The following PDLIM3 variants were observed in gnomAD, a reference collection of about 807,000 sequenced individuals.
PDLIM3 encodes PDZ and LIM domain protein 3.
Under a neutral mutation model 37.3 loss-of-function variants are expected in PDLIM3, and 36 were observed. The observed-to-expected ratio is 0.97, with a 90% CI of 0.74 to 1.28. The LOEUF is 1.28. Among genes scored for constraint, PDLIM3 ranks in the 50% most tolerant of loss-of-function variants. The probability of loss-of-function intolerance (pLI) is 0.00; values close to 1 mark genes in which losing one functional copy is unlikely to be tolerated. For missense variants in PDLIM3, 454 were observed against 485.0 expected (o/e 0.94, Z 0.60); for synonymous variants, 174 against 182.4 (o/e 0.95, Z 0.37).
intron 6 of PDLIM3, 132 bp downstream of exon 6, chr4:185,506,390 C>G: frequency 8.1e-7 from 1 of 1,234,720 alleles, no homozygotes; most frequent in South Asian, 1.2e-5. Context: ...TCCTTCTGAG[C>G]AAAAATTCAT....
intron 1 of PDLIM3, among the ~76,000 whole-genome samples, chr4:185,529,517 T>C (rs993326927): frequency 6.6e-6 from 1 of 152,152 alleles, no homozygotes; most frequent in Non-Finnish European, 1.5e-5. Context: ...AGAAACCCCA[T>C]TGTTCATTCT....
At chr4:185,503,616 G>C (rs1367927622) in intron 7 of PDLIM3, among the ~76,000 whole-genome samples, 2 of 152,228 alleles carry the variant, frequency 1.3e-5, no homozygotes, top group African/African-American at 4.8e-5. Flanking sequence ...AATTATCTTG[G>C]TTGACTTGAT....
chr4:185,535,353 C>G lies in PDLIM3; in HGVS notation c.82G>C (p.Val28Leu). 6.2e-7 allele frequency: 1 copy of G among 1,608,410 alleles called. No homozygotes were observed. Residue 28 changes from valine (V) to leucine (L), a missense_variant, in exon 1 of 8, where the codon GTC (valine) becomes CTC (leucine). Physicochemically the swap from Val to Leu is conservative, Grantham distance 32 (BLOSUM62 1). Transcript: ENST00000284767. ...SGGIDFNQPL[V>L]ITRITPGSKA... The stretch of plus-strand genomic sequence containing the variant: ...ATGCCGACACCTACCCTGGTGATGA[C>G]CAAAGGCTGGTTGAAGTCTATGCCC...
chr4:185,529,943 A>G (rs529205466), intron 1 of PDLIM3, among the ~76,000 whole-genome samples: 80 of 152,166 alleles, frequency 5.3e-4, no homozygotes, highest in African/African-American at 1.9e-3. Context: ...CTTTCCTTCA[A>G]CACCTCCTAG....
At chr4:185,502,847 C>CG (rs915845368) in intron 7 of PDLIM3, among the ~76,000 whole-genome samples, 26 of 152,228 alleles carry the variant, frequency 1.7e-4, no homozygotes, top group African/African-American at 6.0e-4. Context: ...CTGCTTTTGA[C>CG]GGGGGTGGTT....
intron 4 of PDLIM3, among the ~76,000 whole-genome samples, chr4:185,509,446 A>G (rs765377545): frequency 1.2e-4 from 19 of 152,162 alleles, no homozygotes; most frequent in Non-Finnish European, 2.1e-4. Flanking sequence ...CATTTCAGGG[A>G]CTTATTAAAA....
Position 185,514,915 on chromosome 4 carries a change from C to T in PDLIM3, c.331-578G>A, listed in dbSNP as rs2095712600. On this transcript the variant is annotated intron_variant, in intron 3 of 7. Transcript: ENST00000284767. The surrounding 1 kb of genome is among the most constrained non-coding windows in gnomAD (Gnocchi z 4.0). Reference sequence around the variant, plus strand: ...CCTGTACAATGGCAGACAAAATACACAGCCACACAGCGCACAAGAAAGCCA... The same window carrying T: ...CCTGTACAATGGCAGACAAAATACATAGCCACACAGCGCACAAGAAAGCCA... 1 of 1,533,814 alleles carries T rather than the reference C, an allele frequency of 6.5e-7. No individual in the cohort carries two copies. Among genetic ancestry groups the T allele is most frequent in the Non-Finnish European group, 8.8e-7 (1 of 1,136,076 alleles).
At chr4:185,513,601 C>T (rs920581044) in intron 4 of PDLIM3, 1 of 986,052 alleles carries the variant, frequency 1.0e-6, no homozygotes, top group South Asian at 4.7e-5. Context: ...GCAACAGCTG[C>T]GGTAAATCAT....
chr4:185,518,900 T>A (rs1043484806), intron 3 of PDLIM3, among the ~76,000 whole-genome samples: 39 of 152,252 alleles, frequency 2.6e-4, no homozygotes, highest in Non-Finnish European at 5.0e-4. Flanking sequence ...GAGACAGCTT[T>A]CTTCTTATTT....
chr4:185,513,722 G>T (rs2095710305), intron 4 of PDLIM3: 1 of 1,013,560 alleles, frequency 9.9e-7, no homozygotes, highest in Non-Finnish European at 1.2e-6. Context: ...TGAAGTCACT[G>T]TTTCCTGATT....
intron 3 of PDLIM3, chr4:185,515,161 CCT>C (rs1476027623): frequency 4.2e-6 from 1 of 237,954 alleles, no homozygotes; most frequent in African/African-American, 2.3e-5. Context: ...CTTATCTGCC[CCT>C]GACTTCTTCA....
In PDLIM3 at chr4:185,508,477, C is replaced by T. The variant is rs749708919; in HGVS notation, c.484G>A (p.Gly162Ser). 1.2e-6 allele frequency: 2 copies of T among 1,614,144 alleles called. No homozygotes were observed. The highest frequency in any genetic ancestry group is 1.7e-6 in the Non-Finnish European group (2 of 1,180,024). Residue 162 changes from glycine to serine, a missense_variant, in exon 5 of 8, where the codon GGT becomes AGT. Transcript: ENST00000284767. Reference protein sequence around the residue: ...SVSTVSTICPGDLKVAAKLAP... With the variant: ...SVSTVSTICPSDLKVAAKLAP... ...AGCTTAGCCGCAACTTTCAAGTCAC[C>T]TGGGCAAATGGTACTAACAGTACTG...
intron 7 of PDLIM3, among the ~76,000 whole-genome samples, chr4:185,502,848 G>A (rs2095689365): frequency 6.6e-6 from 1 of 152,078 alleles, no homozygotes; most frequent in South Asian, 2.1e-4. Flanking sequence ...TGCTTTTGAC[G>A]GGGGTGGTTG....
At chr4:185,533,699 T>C (rs2095748590) in intron 1 of PDLIM3, among the ~76,000 whole-genome samples, 1 of 152,206 alleles carries the variant, frequency 6.6e-6, no homozygotes, top group Admixed American at 6.5e-5. Context: ...ATAGCTATTG[T>C]AGTCCAACTC....
intron 4 of PDLIM3, 112 bp from the exon 5 acceptor site, chr4:185,508,674 G>A: frequency 1.4e-5 from 15 of 1,041,518 alleles, no homozygotes; most frequent in Non-Finnish European, 2.2e-5. Flanking sequence ...AGACAAAAGT[G>A]AGAGGTGAAT....
Position 185,506,606 on chromosome 4 carries a change from G to T in PDLIM3, c.709C>A (p.Leu237Ile). The stretch of plus-strand genomic sequence containing the variant: ...GTGGGCTCATTCCGATTGTCGTGGA[G>T]CATCCGGTACACGTCCGACTCGGGG... ...VPPESDVYRM[L>I]HDNRNEPTQP... The change falls in exon 6 of 8, where the codon CTC becomes ATC. Residue 237 changes from leucine (L) to isoleucine (I), a missense_variant. Leu to Ile is a conservative substitution (Grantham distance 5, BLOSUM62 2). Coordinates refer to ENST00000284767, the MANE Select transcript of PDLIM3 (RefSeq NM_014476.6). 1 of 1,611,194 alleles carries T rather than the reference G, an allele frequency of 6.2e-7. No homozygotes were observed.
Position 185,514,206 on chromosome 4 carries a change from A to G in PDLIM3, c.398+64T>C. The G allele has an allele frequency of 1.2e-6, 2 of 1,614,010 alleles. No homozygotes were observed. Among genetic ancestry groups the G allele is most frequent in the South Asian group, 2.2e-5 (2 of 91,044 alleles). On this transcript the variant is annotated intron_variant, in intron 4 of 7. Coordinates refer to ENST00000284767, the MANE Select transcript of PDLIM3 (RefSeq NM_014476.6). This position sits in a 1 kb window ranked among gnomAD's most constrained non-coding sequence, Gnocchi z 4.0. ...AAACATCTACCAGTTACTTTTCTTG[A>G]TGATTAGTAAGAACTGATTTAAGAA...
Position 185,522,190 on chromosome 4 carries a change from A to G in PDLIM3, c.330+1172T>C, listed in dbSNP as rs2095724180. ...GCATTCCTAGCCTCTAGGATGTCCTATCATGTAGGCAGCTAACTATCTCAC... is the reference window on the plus strand; with the variant it reads ...GCATTCCTAGCCTCTAGGATGTCCTGTCATGTAGGCAGCTAACTATCTCAC... On this transcript the variant is annotated intron_variant, in intron 3 of 7. Transcript: ENST00000284767. Among the ~76,000 whole-genome samples the G allele has an allele frequency of 3.0e-5, 2 of 66,714 alleles. 1 individual carries two copies. The highest frequency in any genetic ancestry group is 5.5e-5 in the African/African-American group (2 of 36,656). The allele number at this position is 66,714 out of a possible 152,430, so 43.8% of individuals were successfully genotyped here. A position where few individuals can be genotyped will look rare whatever the true frequency, so the allele number is the denominator to read the frequency against.
chr4:185,520,118 C>T (rs778104803), intron 3 of PDLIM3, among the ~76,000 whole-genome samples: 27 of 152,320 alleles, frequency 1.8e-4, no homozygotes, highest in Non-Finnish European at 3.4e-4. Flanking sequence ...TTTATCAGCA[C>T]GTTTTGTTCT....
Sources: gnomAD v4.1 joint callset for allele counts (sites outside exome capture counted in the v4.1 genomes callset) on GRCh38, gnomAD v4.1.1 for gene constraint, Gnocchi (gnomAD v3.1) non-coding constraint, MANE v1.5 for transcripts, NCBI Gene and HGNC (gene_info 2026-07-23, HGNC 2026-07-21) for gene names.